The following HEPHL1 variants were observed in gnomAD, a reference collection of about 807,000 sequenced individuals.
HEPHL1 encodes ferroxidase HEPHL1.
Under a neutral mutation model 122.0 loss-of-function variants are expected in HEPHL1, and 123 were observed. That is an observed-to-expected ratio of 1.01 (90% CI 0.87 to 1.17). The LOEUF is 1.17. Among genes scored for constraint, HEPHL1 ranks in the 50% most tolerant of loss-of-function variants. The probability of loss-of-function intolerance (pLI) is 0.00; values close to 1 mark genes in which losing one functional copy is unlikely to be tolerated. For synonymous variants in HEPHL1, 527 were observed against 508.9 expected, an observed-to-expected ratio of 1.04 and a Z score of -0.48; for missense variants, 1,452 against 1,430.5, an observed-to-expected ratio of 1.01 and a Z score of -0.24.
intron 17 of HEPHL1, 94 bp downstream of exon 17, chr11:94,106,224 C>A: frequency 1.1e-6 from 1 of 943,010 alleles, no homozygotes; most frequent in Non-Finnish European, 1.6e-6. Context: ...GGCAATAATG[C>A]TTGTGAGGAT....
rs1946431701 is a variant in HEPHL1, at chr11:94,109,439, A to G, written c.3046-1464A>G. On this transcript the variant is annotated intron_variant, in intron 17 of 19. Coordinates refer to ENST00000315765, the MANE Select transcript of HEPHL1 (RefSeq NM_001098672.2). The stretch of plus-strand genomic sequence containing the variant: ...TCCTCAGTTTGTTCTTAATCTTACA[A>G]GGGGAGCATTTAGTCATTCACCTTT... Among the ~76,000 whole-genome samples the G allele has an allele frequency of 2.0e-5, 3 of 152,166 alleles. No individual in the cohort carries two copies. In the South Asian group the frequency reaches 6.2e-4, roughly 32 times the overall value.
intron 13 of HEPHL1, among the ~76,000 whole-genome samples, chr11:94,096,061 A>G (rs1028998460): frequency 6.6e-6 from 1 of 152,174 alleles, no homozygotes; most frequent in Non-Finnish European, 1.5e-5. Flanking sequence ...ACTATGTTGA[A>G]CAGAAGTGGT....
In HEPHL1 at chr11:94,021,379, A is replaced by G. The variant is rs1434564417; in HGVS notation, c.11A>G (p.Lys4Arg). 1 of 1,611,918 alleles carries G rather than the reference A, an allele frequency of 6.2e-7. No individual in the cohort carries two copies. The highest frequency in any genetic ancestry group is 8.5e-7 in the Non-Finnish European group (1 of 1,178,980). Residue 4 changes from lysine to arginine, a missense_variant, in exon 1 of 20, where the codon AAG becomes AGG. Coordinates refer to ENST00000315765, the MANE Select transcript of HEPHL1 (RefSeq NM_001098672.2). MPR[K>R]QPAGCIFLLT... ...GAGTTACATCCACAAATGCCTCGGA[A>G]GCAGCCAGCTGGCTGCATCTTTCTC...
intron 9 of HEPHL1, among the ~76,000 whole-genome samples, chr11:94,076,609 G>GAAAAAAA (rs36065571): frequency 6.8e-6 from 1 of 147,050 alleles, no homozygotes. Context: ...CAAAATTCAT[G>GAAAAAAA]AAAAAAAAAA....
rs746160001 is a variant in HEPHL1 at position 94,073,284 on chromosome 11, CTCT to C, written c.1373-17_1373-15del. ...TCTGTCTCTTTTCATTCTCTTCTCTCTCTTCTTCTGGATATTTTTTCAGGCCCA... is the reference window on the plus strand; with the variant it reads ...TCTGTCTCTTTTCATTCTCTTCTCTCTCTTCTGGATATTTTTTCAGGCCCA... On this transcript the variant is annotated intron_variant, in intron 7 of 19. Transcript: ENST00000315765. The C allele has an allele frequency of 7.5e-6, 12 of 1,609,054 alleles. No individual in the cohort carries two copies. In the Admixed American group the frequency reaches 1.7e-4, roughly 23 times the overall value.
chr11:94,056,347 A>T (rs1293400697), intron 2 of HEPHL1, among the ~76,000 whole-genome samples: 1 of 152,110 alleles, frequency 6.6e-6, no homozygotes, highest in African/African-American at 2.4e-5. Flanking sequence ...TTCACAGTTA[A>T]TGTAATTATT....
At chr11:94,041,036 A>T (rs1945772472) in intron 1 of HEPHL1, among the ~76,000 whole-genome samples, 1 of 124,664 alleles carries the variant, frequency 8.0e-6, no homozygotes. Context: ...CTCAGGATAC[A>T]AAATCAATGT....
intron 13 of HEPHL1, among the ~76,000 whole-genome samples, chr11:94,099,994 C>T (rs948664256): frequency 6.6e-5 from 10 of 152,218 alleles, no homozygotes; most frequent in Non-Finnish European, 1.3e-4. Flanking sequence ...CTTCGGCTCA[C>T]GCTCGGTGGG....
intron 14 of HEPHL1, among the ~76,000 whole-genome samples, chr11:94,101,623 C>T (rs1000471071): frequency 3.3e-4 from 50 of 152,138 alleles, no homozygotes; most frequent in African/African-American, 1.2e-3. Context: ...CCCTAAAGCC[C>T]ATAATTTACA....
chr11:94,107,364 A>G (rs1324430283), intron 17 of HEPHL1, among the ~76,000 whole-genome samples: 1 of 152,126 alleles, frequency 6.6e-6, no homozygotes, highest in Admixed American at 6.5e-5. Flanking sequence ...AAAATTTATA[A>G]AATTTAATAC....
intron 16 of HEPHL1, among the ~76,000 whole-genome samples, chr11:94,105,191 G>T (rs952060901): frequency 6.6e-6 from 1 of 152,108 alleles, no homozygotes; most frequent in Middle Eastern, 3.2e-3. Context: ...TAGTTTGTTG[G>T]TGGGAGTAAT....
chr11:94,058,134 A>T (rs1945955412), intron 2 of HEPHL1, among the ~76,000 whole-genome samples: 1 of 152,188 alleles, frequency 6.6e-6, no homozygotes, highest in African/African-American at 2.4e-5. Flanking sequence ...TCTTGAGCCA[A>T]TAAATCTTAT....
At chr11:94,041,638 T>C (rs1474946933) in intron 1 of HEPHL1, among the ~76,000 whole-genome samples, 1 of 95,714 alleles carries the variant, frequency 1.0e-5, no homozygotes, top group Non-Finnish European at 2.1e-5. Context: ...ATTCCCTATT[T>C]AATAAATGGT....
chr11:94,088,762 T>C lies in HEPHL1; in HGVS notation c.2088T>C (p.Phe696=). The C allele has an allele frequency of 3.7e-6, 6 of 1,612,962 alleles. No individual in the cohort carries two copies. The highest frequency in any genetic ancestry group is 5.1e-6 in the Non-Finnish European group (6 of 1,179,308). ...AFMQPDHAGI[F]RVFCATMPHL... ...GAGCCATTTCTCTTGCAGGTATTTT[T>C]AGGGTGTTTTGTGCCACCATGCCCC... The change falls in exon 12 of 20, where the codon TTT becomes TTC. Residue 696 remains phenylalanine (F), a synonymous_variant. Transcript: ENST00000315765.
At chr11:94,079,426 C>T (rs554476954) in intron 9 of HEPHL1, among the ~76,000 whole-genome samples, 1 of 152,230 alleles carries the variant, frequency 6.6e-6, no homozygotes, top group Admixed American at 6.5e-5. Flanking sequence ...TCTTCTGTAG[C>T]TCAAGCTTTT....
chr11:94,030,003 T>A (rs1945658921), intron 1 of HEPHL1, among the ~76,000 whole-genome samples: 1 of 152,184 alleles, frequency 6.6e-6, no homozygotes. Context: ...GTGCTCCACA[T>A]GCATCTGCAT....
rs765538086 is a variant in HEPHL1 at position 94,045,760 on chromosome 11, C to G, written c.258C>G (p.Thr86=). Residue 86 remains threonine (T), a synonymous_variant, in exon 2 of 20, where the codon ACC becomes ACG. Coordinates refer to ENST00000315765, the MANE Select transcript of HEPHL1 (RefSeq NM_001098672.2). The part of the protein sequence containing the change: ...KAVYRRFTDG[T]YSIEIPKPPW... Reference sequence around the variant, plus strand: ...TTTACAGACGCTTCACGGATGGAACCTACTCCATAGAGATCCCCAAACCTC... The same window carrying G: ...TTTACAGACGCTTCACGGATGGAACGTACTCCATAGAGATCCCCAAACCTC... 6.2e-7 allele frequency: 1 copy of G among 1,613,878 alleles called. No homozygotes were observed.
intron 2 of HEPHL1, among the ~76,000 whole-genome samples, chr11:94,059,722 G>T (rs573200194): frequency 1.5e-4 from 23 of 151,776 alleles, no homozygotes; most frequent in Non-Finnish European, 3.1e-4. Flanking sequence ...CTTTATTTTT[G>T]ATTCCCAGTG....
In HEPHL1 at chr11:94,111,037, G is replaced by T; in HGVS notation, c.3180G>T (p.Glu1060Asp). The change falls in exon 18 of 20, where the codon GAG becomes GAT. Residue 1060 changes from glutamate (E) to aspartate (D), a missense_variant. By Grantham distance (45) the Glu-to-Asp change is conservative. Transcript: ENST00000315765. ...CTGACCACATCCATGCTGGCATGGA[G>T]ACAACCTACACGGTCCTTCGTAACA... ...HVSDHIHAGM[E>D]TTYTVLRNID... is the part of the protein sequence containing the mutation. 1 of 1,604,666 alleles carries T rather than the reference G, an allele frequency of 6.2e-7. No homozygotes were observed. The highest frequency in any genetic ancestry group is 8.5e-7 in the Non-Finnish European group (1 of 1,174,938).
Sources: allele counts gnomAD v4.1 joint callset (sites outside exome capture counted in the v4.1 genomes callset), GRCh38; gene constraint gnomAD v4.1.1; transcripts MANE v1.5; gene names NCBI Gene and HGNC (gene_info 2026-07-23, HGNC 2026-07-21).